MAML3: variants seen among roughly 807,000 people sequenced by gnomAD.
MAML3 encodes the protein mastermind like transcriptional coactivator 3.
In MAML3, 27 loss-of-function variants were observed where a neutral mutation model predicts 101.9. That is an observed-to-expected ratio of 0.27 (90% CI 0.20 to 0.37). The LOEUF (loss-of-function observed/expected upper bound fraction) is 0.37, where lower values mean the gene tolerates loss of function less well. Among genes scored for constraint, MAML3 ranks in the 10% least tolerant of loss-of-function variants. The pLI is 1.00. For synonymous variants in MAML3, 501 were observed against 555.9 expected (o/e 0.90, Z 1.39); for missense variants, 1,316 against 1,444.9 (o/e 0.91, Z 1.45).
At chr4:140,126,853 G>A (rs1041514787) in intron 1 of MAML3, among the ~76,000 whole-genome samples, 6 of 152,224 alleles carry the variant, frequency 3.9e-5, no homozygotes, top group African/African-American at 1.4e-4. Context: ...AGTCATCCCT[G>A]ATTTCTCTCA....
chr4:139,823,615 A>T (rs1187457686), intron 2 of MAML3, among the ~76,000 whole-genome samples: 1 of 152,038 alleles, frequency 6.6e-6, no homozygotes, highest in Non-Finnish European at 1.5e-5. Context: ...AGCAGCGTCT[A>T]AGCCTAGTGC....
At chr4:139,871,581 C>T (rs1732007700) in intron 2 of MAML3, among the ~76,000 whole-genome samples, 1 of 152,192 alleles carries the variant, frequency 6.6e-6, no homozygotes, top group African/African-American at 2.4e-5. Context: ...AGATAGTACT[C>T]TCCTCTTTTC....
chr4:139,928,001 T>C (rs993922921), intron 1 of MAML3, among the ~76,000 whole-genome samples: 10 of 152,232 alleles, frequency 6.6e-5, no homozygotes, highest in Admixed American at 2.6e-4. Flanking sequence ...CAGCGCTCAG[T>C]AATATACGTG....
chr4:140,012,847 C>T (rs918028094), intron 1 of MAML3, among the ~76,000 whole-genome samples: 2 of 152,270 alleles, frequency 1.3e-5, no homozygotes, highest in East Asian at 1.9e-4. Flanking sequence ...AGAAATACAG[C>T]GCCGGTTAAC....
intron 1 of MAML3, among the ~76,000 whole-genome samples, chr4:139,897,461 G>C (rs1732636144): frequency 6.6e-6 from 1 of 152,154 alleles, no homozygotes; most frequent in Non-Finnish European, 1.5e-5. Flanking sequence ...TGCCACCTGT[G>C]ATATGCTTTC....
chr4:139,889,934 TGCTGCTGCTGC>T lies in MAML3; in HGVS notation c.1491_1501del (p.Gln498AlafsTer25), dbSNP rs1560826265. 1.5e-5 allele frequency: 3 copies of T among 203,610 alleles called. No individual in the cohort carries two copies. Among genetic ancestry groups the T allele is most frequent in the Admixed American group, 1.3e-4 (1 of 7,658 alleles). 12.6% of individuals were successfully genotyped at this position (203,610 alleles called of 1,614,324 possible). On this transcript the variant is annotated frameshift_variant, in exon 2 of 5. Coordinates refer to ENST00000509479, the MANE Select transcript of MAML3 (RefSeq NM_018717.5). LOFTEE classifies it high-confidence loss of function. ...TTGCTGCTGCTGCTGCTGCTGCTGC[TGCTGCTGCTGC>T]TGCTGCTGCTGCTGCTGCTGCTGTT... is the stretch of plus-strand genomic sequence containing the variant.
At chr4:140,014,542 G>A (rs6856489) in intron 1 of MAML3, among the ~76,000 whole-genome samples, 60,329 of 152,104 alleles carry the variant, frequency 0.4, 13,936 homozygotes, top group East Asian at 0.65. Context: ...TCATGTACAT[G>A]AGGTAAATGA....
At chr4:140,048,258 T>G (rs1404746934) in intron 1 of MAML3, among the ~76,000 whole-genome samples, 1 of 152,186 alleles carries the variant, frequency 6.6e-6, no homozygotes, top group African/African-American at 2.4e-5. Flanking sequence ...TTTTGATATC[T>G]TCCCAAAACA....
intron 1 of MAML3, among the ~76,000 whole-genome samples, chr4:139,971,897 C>G (rs1299853617): frequency 2.0e-5 from 3 of 152,150 alleles, no homozygotes; most frequent in Non-Finnish European, 4.4e-5. Context: ...GGAGGATCAG[C>G]AGTGGGCGTG....
intron 2 of MAML3, among the ~76,000 whole-genome samples, chr4:139,773,993 C>T (rs979754793): frequency 3.3e-5 from 5 of 152,178 alleles, no homozygotes; most frequent in Non-Finnish European, 7.3e-5. Context: ...GGATCTAAAG[C>T]ACATGGTCAG....
At chr4:139,858,459 T>G (rs1332543214) in intron 2 of MAML3, among the ~76,000 whole-genome samples, 1 of 83,228 alleles carries the variant, frequency 1.2e-5, no homozygotes, top group Non-Finnish European at 3.2e-5. Flanking sequence ...TGGCTTTTTT[T>G]TTTTTTTTTT....
intron 2 of MAML3, chr4:139,888,738 C>T (rs1732390667): frequency 2.0e-6 from 1 of 490,480 alleles, no homozygotes; most frequent in South Asian, 1.5e-5. Flanking sequence ...AGAGAGGTTT[C>T]ATTGCACTCC....
chr4:139,743,313 A>C (rs1488002255), intron 2 of MAML3, among the ~76,000 whole-genome samples: 1 of 152,250 alleles, frequency 6.6e-6, no homozygotes, highest in Non-Finnish European at 1.5e-5. Context: ...CCTGCTGTTC[A>C]GGAGACTTCT....
At chr4:140,139,526 TAAC>T (rs1192729444) in intron 1 of MAML3, among the ~76,000 whole-genome samples, 4 of 152,066 alleles carry the variant, frequency 2.6e-5, no homozygotes, top group Non-Finnish European at 5.9e-5. Context: ...CCCTATCTCT[TAAC>T]AACAACAACA....
intron 1 of MAML3, among the ~76,000 whole-genome samples, chr4:140,149,943 T>TTC (rs945685398): frequency 2.0e-5 from 3 of 146,778 alleles, no homozygotes; most frequent in Non-Finnish European, 3.0e-5. Context: ...TTCTTTCTTT[T>TTC]TTTTTTTTTT....
chr4:139,720,018 C>T lies in MAML3; in HGVS notation c.2722G>A (p.Gly908Arg), dbSNP rs1256781461. ...QGPRQPASGQ[G>R]VGMVSGFGQS... ...CCAAAGCCACTCACCATTCCAACCCCCTGCCCAGAGGCAGGTTGCCTCGGT... is the reference window on the plus strand; with the variant it reads ...CCAAAGCCACTCACCATTCCAACCCTCTGCCCAGAGGCAGGTTGCCTCGGT... The change falls in exon 5 of 5, where the codon GGG becomes AGG. Residue 908 changes from glycine to arginine, a missense_variant. Coordinates refer to ENST00000509479, the MANE Select transcript of MAML3 (RefSeq NM_018717.5). The T allele has an allele frequency of 6.2e-7, 1 of 1,614,100 alleles. No homozygotes were observed. Among genetic ancestry groups the T allele is most frequent in the Non-Finnish European group, 8.5e-7 (1 of 1,179,912 alleles).
intron 1 of MAML3, among the ~76,000 whole-genome samples, chr4:140,077,973 G>A (rs1213260800): frequency 5.3e-5 from 8 of 151,982 alleles, no homozygotes; most frequent in African/African-American, 1.7e-4. Flanking sequence ...AGCCGAGATC[G>A]TGCCAATGCA....
intron 2 of MAML3, among the ~76,000 whole-genome samples, chr4:139,742,456 A>G (rs1294402103): frequency 6.6e-6 from 1 of 152,132 alleles, no homozygotes; most frequent in Non-Finnish European, 1.5e-5. Flanking sequence ...GCCGTCTTAA[A>G]CTTTTCACTC....
chr4:139,971,417 G>A (rs972591210), intron 1 of MAML3, among the ~76,000 whole-genome samples: 3 of 152,176 alleles, frequency 2.0e-5, no homozygotes, highest in Non-Finnish European at 4.4e-5. Flanking sequence ...TATATTTAAT[G>A]ATATTGGTAT....
Sources: allele counts gnomAD v4.1 joint callset (sites outside exome capture counted in the v4.1 genomes callset), GRCh38; gene constraint gnomAD v4.1.1; transcripts MANE v1.5; gene names NCBI Gene and HGNC (gene_info 2026-07-23, HGNC 2026-07-21).